HPN: variants seen among roughly 807,000 people sequenced by gnomAD.
HPN encodes the protein serine protease hepsin.
A neutral mutation model predicts 55.9 loss-of-function variants in HPN; 13 were observed. That is an observed-to-expected ratio of 0.23 (90% CI 0.15 to 0.37). The LOEUF is 0.37. Ranked by LOEUF, HPN falls within the 10% of genes least tolerant of loss-of-function variation. The pLI is 1.00. For synonymous variants in HPN, 225 were observed against 240.3 expected, an observed-to-expected ratio of 0.94 and a Z score of 0.59; for missense variants, 451 against 575.8, an observed-to-expected ratio of 0.78 and a Z score of 2.22.
chr19:35,045,463 A>G (rs945115729), intron 2 of HPN, among the ~76,000 whole-genome samples: 5 of 152,136 alleles, frequency 3.3e-5, no homozygotes, highest in African/African-American at 1.2e-4. Context: ...CAAAGGTGTT[A>G]CGCGTGGGGG....
intron 4 of HPN, among the ~76,000 whole-genome samples, chr19:35,050,272 G>A (rs978775224): frequency 1.3e-5 from 2 of 152,176 alleles, no homozygotes; most frequent in Non-Finnish European, 2.9e-5. Context: ...ACAGGCGTGT[G>A]CCACCATGCC....
chr19:35,046,410 A>G (rs1324511699), intron 2 of HPN, among the ~76,000 whole-genome samples: 1 of 151,970 alleles, frequency 6.6e-6, no homozygotes, highest in Admixed American at 6.6e-5. Flanking sequence ...ACACCCAGCT[A>G]ATTTTTGTAT....
At chr19:35,050,955 C>T (rs1262263734) in intron 4 of HPN, among the ~76,000 whole-genome samples, 14 of 111,600 alleles carry the variant, frequency 1.3e-4, no homozygotes, top group Middle Eastern at 0.019. Flanking sequence ...CTTGCTCTGT[C>T]GCCCAGGCTG....
At chr19:35,049,188 T>G in intron 2 of HPN, 102 bp from the exon 3 acceptor site, 1 of 753,214 alleles carries the variant, frequency 1.3e-6, no homozygotes, top group Non-Finnish European at 2.0e-6. Context: ...TGCTTGGGCA[T>G]AATAAGTTAG....
intron 11 of HPN, 55 bp from the exon 12 acceptor site, chr19:35,065,813 G>C: frequency 6.8e-7 from 1 of 1,470,434 alleles, no homozygotes; most frequent in Non-Finnish European, 9.0e-7. Context: ...ATCCCGGGGT[G>C]GGCCTCCTGT....
In HPN at chr19:35,066,398, A is replaced by G; in HGVS notation, c.*111A>G. ...CTTCTTGGGCCCGGTCCACAGGTCC[A>G]AGGACACCCTCCCTCCAGGGTCCTC... is the stretch of plus-strand genomic sequence containing the variant. On this transcript the variant is annotated 3_prime_UTR_variant, in exon 13 of 13. Coordinates refer to ENST00000672452, the MANE Select transcript of HPN (RefSeq NM_001384133.1). 1 of 1,426,940 alleles carries G rather than the reference A, an allele frequency of 7.0e-7. No homozygotes were observed. 88.4% of individuals were successfully genotyped at this position (1,426,940 alleles called of 1,614,324 possible).
chr19:35,040,801 C>G (rs1444598073), upstream of HPN, among the ~76,000 whole-genome samples: 1 of 152,126 alleles, frequency 6.6e-6, no homozygotes, highest in Non-Finnish European at 1.5e-5. Context: ...CCAGGCTAAA[C>G]CAGCGTGTCC....
At chr19:35,053,444 C>G (rs1320356648) in intron 4 of HPN, among the ~76,000 whole-genome samples, 1 of 151,970 alleles carries the variant, frequency 6.6e-6, no homozygotes. Context: ...AACCCCAGAG[C>G]AGGAGACCGT....
rs542236286 is a variant in HPN, at chr19:35,050,501, C to A, written c.160+985C>A. 1,401 of 1,289,060 alleles carry A rather than the reference C, an allele frequency of 1.1e-3. 14 individuals are homozygous for A. The South Asian group carries it at 0.011, about 10-fold the overall frequency. The allele number at this position is 1,289,060 out of a possible 1,614,324, so 79.9% of individuals were successfully genotyped here. A position where few individuals can be genotyped will look rare whatever the true frequency, so the allele number is the denominator to read the frequency against. ...CAGCTGGGGAACGAGGGGCCAGGAA[C>A]AGCTCTTAGACTTATCCACTGTAAG... On this transcript the variant is annotated intron_variant, in intron 4 of 12. Transcript: ENST00000672452.
intron 4 of HPN, among the ~76,000 whole-genome samples, chr19:35,054,652 G>A (rs1229346949): frequency 1.3e-5 from 2 of 152,164 alleles, no homozygotes; most frequent in East Asian, 3.9e-4. Context: ...ACCTGATTTC[G>A]AATCCTCTCT....
rs1454032413 is a variant in HPN at position 35,048,287 on chromosome 19, C to T, written c.17-1003C>T. Among the ~76,000 whole-genome samples, 6 of 152,290 alleles carry T rather than the reference C, an allele frequency of 3.9e-5. No individual in the cohort carries two copies. In the South Asian group the frequency reaches 6.2e-4, roughly 16 times the overall value. On this transcript the variant is annotated intron_variant, in intron 2 of 12. Transcript: ENST00000672452. ...CATCAAACCTGCCCAGGGTTCTGGA[C>T]GCTGCTCTGCCTCTTCCAGGCTGTC...
chr19:35,050,914 C>CTTTTTTTT (rs5827917), intron 4 of HPN, among the ~76,000 whole-genome samples: 240 of 90,420 alleles, frequency 2.7e-3, no homozygotes, highest in Non-Finnish European at 3.4e-3. Context: ...TTCTTTCTTT[C>CTTTTTTTT]TTTTTTTTTT....
chr19:35,053,822 GA>G (rs1029086088), intron 4 of HPN, among the ~76,000 whole-genome samples: 11 of 150,202 alleles, frequency 7.3e-5, no homozygotes, highest in Non-Finnish European at 1.2e-4. Context: ...CAAACCCTGA[GA>G]CTTGGCCTTG....
intron 1 of HPN, 32 bp from the exon 2 acceptor site, chr19:35,042,421 C>T: frequency 1.3e-6 from 2 of 1,540,680 alleles, no homozygotes; most frequent in Non-Finnish European, 1.8e-6. Flanking sequence ...TGGGCTCCCC[C>T]AGGCCCTGCC....
chr19:35,042,088 G>T, intron 1 of HPN: 3 of 1,121,772 alleles, frequency 2.7e-6, no homozygotes, highest in Non-Finnish European at 3.3e-6. Context: ...AGACCCAGGA[G>T]TTCCAGCCCT....
chr19:35,042,425 C>A, intron 1 of HPN, 28 bp from the exon 2 acceptor site: 1 of 1,543,984 alleles, frequency 6.5e-7, no homozygotes, highest in South Asian at 1.2e-5. Context: ...CTCCCCCAGG[C>A]CCTGCCTCCC....
intron 2 of HPN, among the ~76,000 whole-genome samples, chr19:35,048,026 G>GA (rs369625763): frequency 0.24 from 12,898 of 54,118 alleles, 1,201 homozygotes; most frequent in Admixed American, 0.4. Flanking sequence ...GAGAGAGAGA[G>GA]AAAAAGAAAG....
At chr19:35,053,284 T>C (rs1211238504) in intron 4 of HPN, among the ~76,000 whole-genome samples, 1 of 152,138 alleles carries the variant, frequency 6.6e-6, no homozygotes, top group African/African-American at 2.4e-5. Context: ...TCACACTTTC[T>C]GGAAATCACA....
chr19:35,040,962 T>C (rs1324962127), upstream of HPN, among the ~76,000 whole-genome samples: 1 of 152,054 alleles, frequency 6.6e-6, no homozygotes, highest in Non-Finnish European at 1.5e-5. Context: ...GTCCGGCGTG[T>C]GGTTGAGCAC....
Sources: gnomAD v4.1 joint callset for allele counts (sites outside exome capture counted in the v4.1 genomes callset) on GRCh38, gnomAD v4.1.1 for gene constraint, MANE v1.5 for transcripts, NCBI Gene and HGNC (gene_info 2026-07-23, HGNC 2026-07-21) for gene names.